The following KDM4C variants were observed in gnomAD, a reference collection of about 807,000 sequenced individuals.
KDM4C encodes the protein lysine demethylase 4C.
Under a neutral mutation model 129.3 loss-of-function variants are expected in KDM4C, and 81 were observed. The observed-to-expected ratio is 0.63, with a 90% CI of 0.52 to 0.75. KDM4C has a LOEUF of 0.75. Among genes scored for constraint, KDM4C ranks in the 30% least tolerant of loss-of-function variants. The probability of loss-of-function intolerance (pLI) is 0.00; values close to 1 mark genes in which losing one functional copy is unlikely to be tolerated. For missense variants in KDM4C, 1,457 were observed against 1,304.0 expected (o/e 1.12, Z -1.81); for synonymous variants, 573 against 456.1 (o/e 1.26, Z -3.26).
chr9:7,132,537 A>G (rs1220225376), intron 19 of KDM4C, among the ~76,000 whole-genome samples: 1 of 152,218 alleles, frequency 6.6e-6, no homozygotes, highest in African/African-American at 2.4e-5. Context: ...TAAACTCCAC[A>G]TGCAATCTGT....
chr9:6,911,767 G>T (rs149258447), intron 8 of KDM4C, among the ~76,000 whole-genome samples: 1 of 152,168 alleles, frequency 6.6e-6, no homozygotes, highest in Non-Finnish European at 1.5e-5. Flanking sequence ...GTTTGTGAAC[G>T]TGTGTGACCC....
intron 17 of KDM4C, among the ~76,000 whole-genome samples, chr9:7,056,218 T>C (rs1830844206): frequency 6.6e-6 from 1 of 152,230 alleles, no homozygotes; most frequent in Non-Finnish European, 1.5e-5. Context: ...GACACGGTTG[T>C]GGTATGGTAT....
chr9:7,085,215 T>C (rs1587540229), intron 17 of KDM4C, among the ~76,000 whole-genome samples: 1 of 152,222 alleles, frequency 6.6e-6, no homozygotes, highest in East Asian at 1.9e-4. Flanking sequence ...CACTGGGCTT[T>C]GAAGGGGCAT....
intron 18 of KDM4C, among the ~76,000 whole-genome samples, chr9:7,105,749 A>C (rs545248271): frequency 6.6e-6 from 1 of 152,190 alleles, no homozygotes; most frequent in Non-Finnish European, 1.5e-5. Flanking sequence ...ACTGATGACT[A>C]TATTGAAGTT....
chr9:6,839,059 C>T (rs1303278581), intron 4 of KDM4C, among the ~76,000 whole-genome samples: 2 of 152,100 alleles, frequency 1.3e-5, no homozygotes, highest in Non-Finnish European at 2.9e-5. Context: ...GGGCTTGTTC[C>T]AGCTGTATGA....
chr9:7,111,476 T>C (rs1470139637), intron 18 of KDM4C, among the ~76,000 whole-genome samples: 1 of 152,172 alleles, frequency 6.6e-6, no homozygotes, highest in Admixed American at 6.5e-5. Context: ...TATTTTTTTT[T>C]AACAGATGAG....
At chr9:6,752,774 T>C (rs1818114386), upstream of KDM4C, among the ~76,000 whole-genome samples, 1 of 152,160 alleles carries the variant, frequency 6.6e-6, no homozygotes, top group South Asian at 2.1e-4. Context: ...TATATGAATT[T>C]TATTTATATA....
chr9:6,793,572 T>C (rs1262455162), intron 2 of KDM4C, among the ~76,000 whole-genome samples: 4 of 150,966 alleles, frequency 2.6e-5, no homozygotes, highest in Non-Finnish European at 4.4e-5. Context: ...AGAGTTTTGC[T>C]CTTGCCGCCC....
intron 4 of KDM4C, among the ~76,000 whole-genome samples, chr9:6,849,179 C>T (rs1321114496): frequency 2.6e-5 from 4 of 152,170 alleles, no homozygotes; most frequent in Non-Finnish European, 5.9e-5. Flanking sequence ...CATGCCGGAT[C>T]ATCTACTTTG....
chr9:7,083,621 ATAGCCAAAATTAGGTATTACAATC>A (rs2132961934), intron 17 of KDM4C, among the ~76,000 whole-genome samples: 1 of 152,280 alleles, frequency 6.6e-6, no homozygotes, highest in East Asian at 1.9e-4. Context: ...TAGAAAAGAT[ATAGCCAAAATTAGGTATTACAATC>A]TTATGGGACC....
intron 5 of KDM4C, among the ~76,000 whole-genome samples, chr9:6,875,545 G>C (rs1843419025): frequency 6.6e-6 from 1 of 152,202 alleles, no homozygotes. Context: ...ACTTATTTCA[G>C]ATGTAAGATA....
At chr9:6,797,850 AG>A (rs1828041549) in intron 2 of KDM4C, among the ~76,000 whole-genome samples, 1 of 152,364 alleles carries the variant, frequency 6.6e-6, no homozygotes, top group South Asian at 2.1e-4. Flanking sequence ...CACAGGGAAT[AG>A]GGGCCAGGCT....
At chr9:6,743,600 T>A (rs1483877749) in intron 1 of KDM4C, among the ~76,000 whole-genome samples, 1 of 151,782 alleles carries the variant, frequency 6.6e-6, no homozygotes. Context: ...CTCTGCCTCC[T>A]GGATTCAAGT....
At chr9:6,837,608 T>C (rs1836120796) in intron 4 of KDM4C, among the ~76,000 whole-genome samples, 1 of 152,214 alleles carries the variant, frequency 6.6e-6, no homozygotes, top group African/African-American at 2.4e-5. Flanking sequence ...TGGCTTAGAA[T>C]ATCTTTTCAT....
At chr9:7,125,664 G>A (rs1490189380) in intron 18 of KDM4C, among the ~76,000 whole-genome samples, 2 of 152,232 alleles carry the variant, frequency 1.3e-5, no homozygotes, top group Non-Finnish European at 2.9e-5. Flanking sequence ...GATTCTGGAT[G>A]ATGATAAACT....
intron 1 of KDM4C, among the ~76,000 whole-genome samples, chr9:6,724,377 A>C (rs1174856151): frequency 2.6e-5 from 4 of 152,196 alleles, no homozygotes; most frequent in African/African-American, 9.7e-5. Context: ...CAAAGAAAGC[A>C]TCAGCAGGTA....
At chr9:6,800,859 C>T (rs1481939053) in intron 2 of KDM4C, among the ~76,000 whole-genome samples, 1 of 152,180 alleles carries the variant, frequency 6.6e-6, no homozygotes, top group African/African-American at 2.4e-5. Context: ...AATTCCTGAG[C>T]TCTAGTTATC....
chr9:7,028,180 C>T (rs1420180516), intron 15 of KDM4C, among the ~76,000 whole-genome samples: 2 of 151,976 alleles, frequency 1.3e-5, no homozygotes, highest in African/African-American at 2.4e-5. Context: ...GCCACCATTA[C>T]CTAGGAATGT....
chr9:6,965,936 A>C (rs1830886117), intron 8 of KDM4C, among the ~76,000 whole-genome samples: 1 of 152,230 alleles, frequency 6.6e-6, no homozygotes, highest in South Asian at 2.1e-4. Flanking sequence ...CCATCACAAT[A>C]AGTTTGGTTT....
Sources: gnomAD v4.1 joint callset for allele counts (sites outside exome capture counted in the v4.1 genomes callset) on GRCh38, gnomAD v4.1.1 for gene constraint, MANE v1.5 for transcripts, NCBI Gene and HGNC (gene_info 2026-07-23, HGNC 2026-07-21) for gene names.